SMAD3: variants seen among roughly 807,000 people sequenced by gnomAD.
The protein encoded by SMAD3 is MAD homolog 3.
A neutral mutation model predicts 51.8 loss-of-function variants in SMAD3; 12 were observed. The ratio of observed to expected loss-of-function variants is 0.23; its 90% CI spans 0.15 to 0.38. The LOEUF (loss-of-function observed/expected upper bound fraction) is 0.38, where lower values mean the gene tolerates loss of function less well. Among genes scored for constraint, SMAD3 ranks in the 10% least tolerant of loss-of-function variants. The probability of loss-of-function intolerance (pLI) is 1.00; values close to 1 mark genes in which losing one functional copy is unlikely to be tolerated. For missense variants in SMAD3, 294 were observed against 565.6 expected (o/e 0.52, Z 4.87); for synonymous variants, 238 against 227.7 (o/e 1.05, Z -0.41).
At position 67,194,739 on chromosome 15, in the gene SMAD3, A is replaced by G; in HGVS notation, c.*4203A>G. ...AAACACCAAACCAGGCTGGCTAAAC[A>G]AGTGGCCGCGTGTAAAAACAGACAG... On this transcript the variant is annotated 3_prime_UTR_variant, in exon 9 of 9. Coordinates refer to ENST00000327367, the MANE Select transcript of SMAD3 (RefSeq NM_005902.4). The G allele has an allele frequency of 4.3e-6, 1 of 232,466 alleles. No individual in the cohort carries two copies. Among genetic ancestry groups the G allele is most frequent in the Non-Finnish European group, 8.5e-6 (1 of 117,234 alleles). The allele number at this position is 232,466 out of a possible 1,614,324, so 14.4% of individuals were successfully genotyped here.
chr15:67,100,470 A>G (rs940687909), intron 1 of SMAD3, among the ~76,000 whole-genome samples: 1 of 152,138 alleles, frequency 6.6e-6, no homozygotes, highest in Admixed American at 6.6e-5. Context: ...AATGAACTCA[A>G]TGCCACCAAA....
At chr15:67,165,499 TGC>T in intron 3 of SMAD3, 115 bp downstream of exon 3, 1 of 1,301,914 alleles carries the variant, frequency 7.7e-7, no homozygotes, top group Admixed American at 1.8e-5. Flanking sequence ...ACCCCCTCTT[TGC>T]GCACAGCTCT....
At chr15:67,167,893 G>C (rs955314411) in intron 4 of SMAD3, among the ~76,000 whole-genome samples, 1 of 152,188 alleles carries the variant, frequency 6.6e-6, no homozygotes, top group Non-Finnish European at 1.5e-5. Context: ...CGTACACACA[G>C]AGCCGCTAGA....
chr15:67,182,429 G>A (rs1331746681), intron 6 of SMAD3, among the ~76,000 whole-genome samples: 1 of 152,204 alleles, frequency 6.6e-6, no homozygotes, highest in Non-Finnish European at 1.5e-5. Context: ...GGCAGAGTGA[G>A]GTTTTCTCAG....
At chr15:67,174,889 G>T (rs550904371) in intron 5 of SMAD3, among the ~76,000 whole-genome samples, 3 of 152,244 alleles carry the variant, frequency 2.0e-5, no homozygotes, top group Non-Finnish European at 4.4e-5. Context: ...GGAAGGTTGA[G>T]CCTCCTTGCC....
In SMAD3 at chr15:67,192,425, G is replaced by A. The variant is rs1391219415; in HGVS notation, c.*1889G>A. On this transcript the variant is annotated 3_prime_UTR_variant, in exon 9 of 9. Transcript: ENST00000327367. The stretch of plus-strand genomic sequence containing the variant: ...ACTTCCTCTGAGAGGGCCAAATGCT[G>A]TGAGTCTGAAGTATGTGCCTGGTGT... 1 of 233,322 alleles carries A rather than the reference G, an allele frequency of 4.3e-6. No individual in the cohort carries two copies. Among genetic ancestry groups the A allele is most frequent in the East Asian group, 6.0e-5 (1 of 16,722 alleles). 14.5% of individuals were successfully genotyped at this position (233,322 alleles called of 1,614,324 possible).
chr15:67,081,259 A>C (rs534745373), intron 1 of SMAD3, among the ~76,000 whole-genome samples: 3 of 152,172 alleles, frequency 2.0e-5, no homozygotes, highest in Non-Finnish European at 4.4e-5. Context: ...AGTGCATCAG[A>C]TAGTCATCGT....
intron 1 of SMAD3, among the ~76,000 whole-genome samples, chr15:67,116,921 T>TA (rs1961147930): frequency 6.6e-6 from 1 of 152,132 alleles, no homozygotes; most frequent in African/African-American, 2.4e-5. Flanking sequence ...AGAAAGCAGA[T>TA]AAATGCAATG....
intron 1 of SMAD3, among the ~76,000 whole-genome samples, chr15:67,139,143 G>A (rs1566981065): frequency 6.6e-6 from 1 of 152,194 alleles, no homozygotes; most frequent in South Asian, 2.1e-4. Context: ...TGGCGGCAGC[G>A]ATTCTTGTGT....
intron 1 of SMAD3, among the ~76,000 whole-genome samples, chr15:67,109,185 A>C (rs1241300422): frequency 6.6e-6 from 1 of 152,346 alleles, no homozygotes; most frequent in East Asian, 1.9e-4. Flanking sequence ...GAACATTCTC[A>C]TGGCTTGTTA....
chr15:67,193,089 T>C lies in SMAD3; in HGVS notation c.*2553T>C. 1 of 233,378 alleles carries C rather than the reference T, an allele frequency of 4.3e-6. No individual in the cohort carries two copies. The highest frequency in any genetic ancestry group is 8.5e-6 in the Non-Finnish European group (1 of 118,014). The allele number at this position is 233,378 out of a possible 1,614,324, so 14.5% of individuals were successfully genotyped here. A position where few individuals can be genotyped will look rare whatever the true frequency, so the allele number is the denominator to read the frequency against. ...GCTACATAGGTGCTTTGGGCGTATG[T>C]AACATTAGTGTCCTTCCTTGAAGCC... is the stretch of plus-strand genomic sequence containing the variant. On this transcript the variant is annotated 3_prime_UTR_variant, in exon 9 of 9. Coordinates refer to ENST00000327367, the MANE Select transcript of SMAD3 (RefSeq NM_005902.4).
At chr15:67,138,119 G>C (rs1351283863) in intron 1 of SMAD3, 1 of 1,542,552 alleles carries the variant, frequency 6.5e-7, no homozygotes. Context: ...CCCGTGCCGG[G>C]ACATGTCTTT....
intron 1 of SMAD3, among the ~76,000 whole-genome samples, chr15:67,150,890 C>T (rs1449432312): frequency 9.5e-6 from 1 of 105,034 alleles, no homozygotes; most frequent in Non-Finnish European, 1.7e-5. Context: ...GAGTCTCTCT[C>T]TGTCGCCCAG....
At chr15:67,173,524 T>C (rs148055966) in intron 5 of SMAD3, among the ~76,000 whole-genome samples, 1 of 152,210 alleles carries the variant, frequency 6.6e-6, no homozygotes, top group East Asian at 1.9e-4. Context: ...TTGGTTGTTG[T>C]CTCAAGAGGG....
In SMAD3 at chr15:67,182,986, TAAAAAAA is replaced by T. The variant is rs35277759; in HGVS notation, c.871+1542_871+1548del. Among the ~76,000 whole-genome samples, 129 of 48,026 alleles carry T rather than the reference TAAAAAAA, an allele frequency of 2.7e-3. 1 individual carries two copies. Among genetic ancestry groups the T allele is most frequent in the African/African-American group, 0.01 (103 of 9,844 alleles). The allele number at this position is 48,026 out of a possible 152,430, so 31.5% of individuals were successfully genotyped here. ...CAACTGGCTTTTTTCTATATTTTAT[TAAAAAAA>T]AAAAAAAATATATATATATATATAT... On this transcript the variant is annotated intron_variant, in intron 6 of 8. Transcript: ENST00000327367.
At chr15:67,141,775 A>G (rs1364662742) in intron 1 of SMAD3, among the ~76,000 whole-genome samples, 1 of 152,126 alleles carries the variant, frequency 6.6e-6, no homozygotes, top group Admixed American at 6.5e-5. Flanking sequence ...TACACCCATT[A>G]GACTCCTGAG....
At chr15:67,137,141 G>C (rs1326408119) in intron 1 of SMAD3, among the ~76,000 whole-genome samples, 1 of 152,216 alleles carries the variant, frequency 6.6e-6, no homozygotes, top group Non-Finnish European at 1.5e-5. Context: ...GGCTGCGTTT[G>C]TGGTTTTTGC....
At chr15:67,098,351 A>AGAGAGT (rs1555407138) in intron 1 of SMAD3, among the ~76,000 whole-genome samples, 1 of 121,620 alleles carries the variant, frequency 8.2e-6, no homozygotes, top group Non-Finnish European at 1.7e-5. Flanking sequence ...AGGGAGGGAG[A>AGAGAGT]GAGCGAGCGA....
intron 5 of SMAD3, among the ~76,000 whole-genome samples, chr15:67,179,139 T>G (rs1209016102): frequency 6.6e-6 from 1 of 152,166 alleles, no homozygotes; most frequent in African/African-American, 2.4e-5. Context: ...TGTAGCTGGT[T>G]TGCTCGCAGT....
Sources: allele counts gnomAD v4.1 joint callset (sites outside exome capture counted in the v4.1 genomes callset), GRCh38; gene constraint gnomAD v4.1.1; transcripts MANE v1.5; gene names NCBI Gene and HGNC (gene_info 2026-07-23, HGNC 2026-07-21).